SLC4A2: variants seen among roughly 807,000 people sequenced by gnomAD.
SLC4A2 encodes the protein anion exchange protein 2.
Under a neutral mutation model 115.0 loss-of-function variants are expected in SLC4A2, and 36 were observed. The ratio of observed to expected loss-of-function variants is 0.31; its 90% CI spans 0.24 to 0.41. SLC4A2 has a LOEUF of 0.41. Ranked by LOEUF, SLC4A2 falls within the 10% of genes least tolerant of loss-of-function variation. The probability of loss-of-function intolerance (pLI) is 1.00; values close to 1 mark genes in which losing one functional copy is unlikely to be tolerated. For synonymous variants in SLC4A2, 708 were observed against 708.3 expected (o/e 1.00, Z 0.01); for missense variants, 1,252 against 1,705.6 (o/e 0.73, Z 4.68).
At position 151,061,560 on chromosome 7, in the gene SLC4A2, G is replaced by A. The variant is rs35401287; in HGVS notation, c.-63-365G>A. 5.6e-3 allele frequency: 1,019 copies of A among 183,250 alleles called. 10 individuals are homozygous for A. Among genetic ancestry groups the A allele is most frequent in the Non-Finnish European group, 8.8e-3 (755 of 86,080 alleles). 11.4% of individuals were successfully genotyped at this position (183,250 alleles called of 1,614,324 possible). A position where few individuals can be genotyped will look rare whatever the true frequency, so the allele number is the denominator to read the frequency against. ...CCCTGCGAGGCTCCGTTGTCTGCCTGGGCCTTCACTCCCCTCTTTCCCCAG... is the reference window on the plus strand; with the variant it reads ...CCCTGCGAGGCTCCGTTGTCTGCCTAGGCCTTCACTCCCCTCTTTCCCCAG... On this transcript the variant is annotated intron_variant, in intron 1 of 22. Coordinates refer to ENST00000413384, the MANE Select transcript of SLC4A2 (RefSeq NM_003040.4).
At chr7:151,069,213 A>G (rs1029312999) in intron 8 of SLC4A2, among the ~76,000 whole-genome samples, 12 of 144,904 alleles carry the variant, frequency 8.3e-5, no homozygotes, top group African/African-American at 3.0e-4. Flanking sequence ...CTAGGAGTCC[A>G]TAGGCCGTGA....
rs756556424 is a variant in SLC4A2, at chr7:151,071,473, C to G, written c.2059C>G (p.Arg687Gly). ...GGGGCGGCCCTTTGGGGGGCTGATC[C>G]GAGATGTGCGGCGCCGCTATCCCCA... ...RTGRPFGGLIRDVRRRYPHYL... is the reference protein window; with the variant it reads ...RTGRPFGGLIGDVRRRYPHYL... The change falls in exon 14 of 23, where the codon CGA becomes GGA. Residue 687 changes from arginine to glycine, a missense_variant. This residue lies in a region of SLC4A2 where 122 missense variants were observed against 116.8 expected (regional missense o/e 1.04). Transcript: ENST00000413384. This position sits in a 1 kb window ranked among gnomAD's most constrained non-coding sequence, Gnocchi z 5.5. The G allele has an allele frequency of 1.9e-6, 3 of 1,611,592 alleles. No homozygotes were observed. The highest frequency in any genetic ancestry group is 1.3e-5 in the African/African-American group (1 of 74,886).
At chr7:151,069,372 C>G (rs1797350915) in intron 8 of SLC4A2, among the ~76,000 whole-genome samples, 1 of 152,040 alleles carries the variant, frequency 6.6e-6, no homozygotes, top group African/African-American at 2.4e-5. Context: ...GATGAATGAC[C>G]TGGTAACTTT....
In SLC4A2 at chr7:151,074,782, C is replaced by G; in HGVS notation, c.2988C>G (p.Ala996=). The change falls in exon 19 of 23, where the codon GCC becomes GCG. Residue 996 remains alanine (A), a synonymous_variant. Transcript: ENST00000413384. The part of the protein sequence containing the change: ...KSPFPVWMMV[A]SLLPAILVFI... ...CCTTCCCTGTGTGGATGATGGTTGC[C>G]AGCCTGCTGCCCGCCATCCTGGTCT... 6.2e-7 allele frequency: 1 copy of G among 1,613,862 alleles called. No individual in the cohort carries two copies. The highest frequency in any genetic ancestry group is 8.5e-7 in the Non-Finnish European group (1 of 1,179,952).
intron 16 of SLC4A2, among the ~76,000 whole-genome samples, chr7:151,073,282 T>TTTTATTTTATTTG (rs1554453068): frequency 6.9e-6 from 1 of 143,910 alleles, no homozygotes; most frequent in Non-Finnish European, 1.5e-5. Context: ...TTTTATTTTA[T>TTTTATTTTATTTG]TTTATTTGTT....
At position 151,071,489 on chromosome 7, in the gene SLC4A2, G is replaced by A. The variant is rs772787710; in HGVS notation, c.2075G>A (p.Arg692His). 1.2e-5 allele frequency: 20 copies of A among 1,612,898 alleles called. No individual in the cohort carries two copies. The highest frequency in any genetic ancestry group is 3.3e-4 in the Middle Eastern group (2 of 6,084). The change falls in exon 14 of 23, where the codon CGC (arginine) becomes CAC (histidine). Residue 692 changes from arginine (R) to histidine (H), a missense_variant. Arg to His is a conservative substitution (Grantham distance 29). This residue lies in a region of SLC4A2 where 122 missense variants were observed against 116.8 expected (regional missense o/e 1.04). Coordinates refer to ENST00000413384, the MANE Select transcript of SLC4A2 (RefSeq NM_003040.4). This position sits in a 1 kb window ranked among gnomAD's most constrained non-coding sequence, Gnocchi z 5.5. ...GGGCTGATCCGAGATGTGCGGCGCC[G>A]CTATCCCCACTACCTGAGTGACTTC... ...FGGLIRDVRR[R>H]YPHYLSDFRD...
At chr7:151,061,376 GGGGGCACCCCCTCCCTGCA>G (rs1308782732) in intron 1 of SLC4A2, 3 of 152,424 alleles carry the variant, frequency 2.0e-5, no homozygotes, top group South Asian at 4.1e-4. Context: ...GTACTGGGGA[GGGGGCACCCCCTCCCTGCA>G]GGGGCATCTT....
At chr7:151,063,937 C>T (rs1440536601) in intron 2 of SLC4A2, among the ~76,000 whole-genome samples, 4 of 152,074 alleles carry the variant, frequency 2.6e-5, no homozygotes, top group Non-Finnish European at 5.9e-5. Context: ...CCATGTTGGT[C>T]AGGCTGGTCT....
At position 151,060,431 on chromosome 7, in the gene SLC4A2, G is replaced by A. The variant is rs936440083; in HGVS notation, c.-64+669G>A. Among the ~76,000 whole-genome samples, 1 of 152,226 alleles carries A rather than the reference G, an allele frequency of 6.6e-6. No individual in the cohort carries two copies. Among genetic ancestry groups the A allele is most frequent in the Non-Finnish European group, 1.5e-5 (1 of 68,038 alleles). ...CGGAATTTACGAGTTCACTTGGGGG[G>A]TGGTTAATGCCCAAGTGGGGGTCCG... is the stretch of plus-strand genomic sequence containing the variant. On this transcript the variant is annotated intron_variant, in intron 1 of 22. Coordinates refer to ENST00000413384, the MANE Select transcript of SLC4A2 (RefSeq NM_003040.4). The surrounding 1 kb of genome is among the most constrained non-coding windows in gnomAD (Gnocchi z 5.9).
At chr7:151,075,857 C>G (rs1797611853) in intron 21 of SLC4A2, 82 bp downstream of exon 21, 2 of 1,470,244 alleles carry the variant, frequency 1.4e-6, no homozygotes, top group Non-Finnish European at 1.9e-6. Context: ...CTGCCCCCTC[C>G]CATCTGCCCA....
In SLC4A2 at chr7:151,074,813, C is replaced by T; in HGVS notation, c.3019C>T (p.Leu1007Phe). The change falls in exon 19 of 23, where the codon CTC (leucine) becomes TTC (phenylalanine). Residue 1007 changes from leucine to phenylalanine, a missense_variant. By Grantham distance (22) the Leu-to-Phe change is conservative. Around this residue, in one of 14 missense-constraint regions of SLC4A2, gnomAD observed 253 missense variants for 407.4 expected, o/e 0.62. Coordinates refer to ENST00000413384, the MANE Select transcript of SLC4A2 (RefSeq NM_003040.4). ...SLLPAILVFI[L>F]IFMETQITTL... is the part of the protein sequence containing the mutation. ...GCTGCCCGCCATCCTGGTCTTCATT[C>T]TCATCTTCATGGAGACACAGATCAC... 6.2e-7 allele frequency: 1 copy of T among 1,612,486 alleles called. No homozygotes were observed. Among genetic ancestry groups the T allele is most frequent in the Non-Finnish European group, 8.5e-7 (1 of 1,179,404 alleles).
At position 151,075,789 on chromosome 7, in the gene SLC4A2, C is replaced by T. The variant is rs1389492298; in HGVS notation, c.3471+14C>T. ...TACGTCAAGAAGGTGAGCCCCCCAG[C>T]TCCCCACCGGAAGGGGTGTGCCTCT... On this transcript the variant is annotated intron_variant, in intron 21 of 22. Coordinates refer to ENST00000413384, the MANE Select transcript of SLC4A2 (RefSeq NM_003040.4). The T allele has an allele frequency of 6.3e-7, 1 of 1,595,432 alleles. No individual in the cohort carries two copies. The highest frequency in any genetic ancestry group is 8.6e-7 in the Non-Finnish European group (1 of 1,166,274).
intron 7 of SLC4A2, 101 bp downstream of exon 7, chr7:151,067,094 GT>G: frequency 7.1e-6 from 9 of 1,269,670 alleles, no homozygotes; most frequent in Non-Finnish European, 9.9e-6. Context: ...TGCCACTGTT[GT>G]TTTGTTGTTG....
chr7:151,064,391 G>A (rs1259770991), intron 3 of SLC4A2, 24 bp downstream of exon 3: 2 of 1,528,352 alleles, frequency 1.3e-6, no homozygotes, highest in South Asian at 1.2e-5. Context: ...CAGGGGAGGG[G>A]GAGGTGGGGG....
rs1563343732 is a variant in SLC4A2, at chr7:151,064,883, G to C, written c.495G>C (p.Lys165Asn). ...FLQEDDSADR[K>N]AERTSPSSPA... ...AAGAGGATGACAGTGCTGACCGGAAGGCAGAGAGGACCAGTCCATCTTCCC... is the reference window on the plus strand; with the variant it reads ...AAGAGGATGACAGTGCTGACCGGAACGCAGAGAGGACCAGTCCATCTTCCC... The change falls in exon 5 of 23, where the codon AAG becomes AAC. Residue 165 changes from lysine to asparagine, a missense_variant. Transcript: ENST00000413384. The C allele has an allele frequency of 6.2e-7, 1 of 1,614,008 alleles. No homozygotes were observed. The highest frequency in any genetic ancestry group is 8.5e-7 in the Non-Finnish European group (1 of 1,179,998).
chr7:151,071,132 G>A lies in SLC4A2; in HGVS notation c.1810G>A (p.Ala604Thr), dbSNP rs764063693. Residue 604 changes from alanine (A) to threonine (T), a missense_variant, in exon 13 of 23, where the codon GCC becomes ACC. Ala to Thr is a moderately conservative substitution (Grantham distance 58). Transcript: ENST00000413384. This position sits in a 1 kb window ranked among gnomAD's most constrained non-coding sequence, Gnocchi z 5.5. ...GGAGGACCTGCTGACGGCCATCAAC[G>A]CCTTCCTGGACTGCAGCGTGGTGCT... is the stretch of plus-strand genomic sequence containing the variant. ...EREDLLTAIN[A>T]FLDCSVVLPP... The A allele has an allele frequency of 8.7e-6, 14 of 1,612,858 alleles. No individual in the cohort carries two copies. The East Asian group carries it at 1.3e-4, about 15-fold the overall frequency.
At chr7:151,061,641 A>C (rs1274620491) in intron 1 of SLC4A2, 4 of 289,864 alleles carry the variant, frequency 1.4e-5, no homozygotes, top group African/African-American at 4.4e-5. Flanking sequence ...CTGGGCCTTG[A>C]CTCCTTTCTC....
chr7:151,074,276 C>T lies in SLC4A2; in HGVS notation c.2773C>T (p.Arg925Trp), dbSNP rs376417904. ...AFFLRKFKNSRFFPGRIRRVI... is the reference protein window; with the variant it reads ...AFFLRKFKNSWFFPGRIRRVI... ...CTTCCTGCGCAAATTCAAGAACAGC[C>T]GGTTCTTTCCTGGCCGGGTGCGTGG... Residue 925 changes from arginine (R) to tryptophan (W), a missense_variant, in exon 17 of 23, where the codon CGG becomes TGG. By Grantham distance (101) the Arg-to-Trp change is moderately radical. Around this residue, in one of 14 missense-constraint regions of SLC4A2, gnomAD observed 253 missense variants for 407.4 expected, o/e 0.62. Transcript: ENST00000413384. 2.2e-5 allele frequency: 35 copies of T among 1,610,076 alleles called. No homozygotes were observed. The highest frequency in any genetic ancestry group is 2.1e-4 in the African/African-American group (16 of 75,032).
In SLC4A2 at chr7:151,059,634, T is replaced by A. The variant is rs1796982257; in HGVS notation, c.-192T>A. ...CCCGCGGCGCGGGGGAAAGTTGAGT[T>A]GGGAGAAGTTGGGAGCGGCGGGGGC... On this transcript the variant is annotated 5_prime_UTR_variant, in exon 1 of 23. Transcript: ENST00000413384. The surrounding 1 kb of genome is among the most constrained non-coding windows in gnomAD (Gnocchi z 5.8). 1 of 149,588 alleles carries A rather than the reference T, an allele frequency of 6.7e-6. No individual in the cohort carries two copies. The highest frequency in any genetic ancestry group is 1.5e-5 in the Non-Finnish European group (1 of 67,154). The allele number at this position is 149,588 out of a possible 1,614,324, so 9.3% of individuals were successfully genotyped here.
Sources: allele counts gnomAD v4.1 joint callset (sites outside exome capture counted in the v4.1 genomes callset), GRCh38; gene constraint gnomAD v4.1.1; regional missense constraint gnomAD v4.1.1; non-coding constraint Gnocchi (gnomAD v3.1); transcripts MANE v1.5; gene names NCBI Gene and HGNC (gene_info 2026-07-23, HGNC 2026-07-21).